Variants in NDC1 observed in about 807,000 individuals in gnomAD.
NDC1 encodes the protein nucleoporin NDC1.
A neutral mutation model predicts 89.8 loss-of-function variants in NDC1; 24 were observed. The observed-to-expected ratio is 0.27, with a 90% CI of 0.19 to 0.38. The LOEUF (loss-of-function observed/expected upper bound fraction) is 0.38. Ranked by LOEUF, NDC1 falls within the 10% of genes least tolerant of loss-of-function variation. The pLI is 1.00. For synonymous variants in NDC1, 296 were observed against 284.8 expected (o/e 1.04, Z -0.39); for missense variants, 728 against 797.6 (o/e 0.91, Z 1.05).
chr1:53,777,210 G>T (rs758047057), intron 16 of NDC1, among the ~76,000 whole-genome samples: 1 of 152,140 alleles, frequency 6.6e-6, no homozygotes, highest in East Asian at 1.9e-4. Flanking sequence ...TTTTTATAGA[G>T]ACAGGATCTC....
chr1:53,803,393 T>C (rs934364885), intron 10 of NDC1, among the ~76,000 whole-genome samples: 20 of 151,128 alleles, frequency 1.3e-4, no homozygotes, highest in Admixed American at 1.2e-3. Context: ...TAAGCTGTAT[T>C]TTTCTGCCCT....
intron 10 of NDC1, among the ~76,000 whole-genome samples, chr1:53,802,151 T>C (rs1282868686): frequency 7.9e-5 from 12 of 152,210 alleles, no homozygotes; most frequent in African/African-American, 1.7e-4. Context: ...AGAATTCCTA[T>C]GTTAACTCAA....
At chr1:53,799,732 C>T (rs2100654652) in intron 11 of NDC1, among the ~76,000 whole-genome samples, 1 of 152,312 alleles carries the variant, frequency 6.6e-6, no homozygotes, top group Non-Finnish European at 1.5e-5. Flanking sequence ...CTCACAGGTT[C>T]ACCACCATCC....
intron 3 of NDC1, 75 bp from the exon 4 acceptor site, chr1:53,828,248 C>T (rs1168794407): frequency 1.5e-6 from 2 of 1,296,352 alleles, no homozygotes; most frequent in Non-Finnish European, 2.1e-6. Flanking sequence ...TATCCCCTCT[C>T]ATCCTTGCAC....
chr1:53,800,574 C>G (rs1570193163), intron 11 of NDC1, 119 bp downstream of exon 11: 1 of 1,032,210 alleles, frequency 9.7e-7, no homozygotes, highest in Non-Finnish European at 1.5e-6. Context: ...ATCCGCCCAC[C>G]TCGGCCTCCC....
intron 5 of NDC1, among the ~76,000 whole-genome samples, chr1:53,822,987 G>A (rs1648725688): frequency 6.6e-6 from 1 of 152,016 alleles, no homozygotes; most frequent in Non-Finnish European, 1.5e-5. Flanking sequence ...CACATGGAAA[G>A]GTGAAACACT....
chr1:53,800,578 G>C, intron 11 of NDC1, 115 bp downstream of exon 11: 2 of 1,087,434 alleles, frequency 1.8e-6, no homozygotes, highest in Non-Finnish European at 2.7e-6. Context: ...GCCCACCTCG[G>C]CCTCCCAAAG....
At chr1:53,808,985 T>C (rs1648206310) in intron 7 of NDC1, among the ~76,000 whole-genome samples, 1 of 152,232 alleles carries the variant, frequency 6.6e-6, no homozygotes, top group South Asian at 2.1e-4. Flanking sequence ...GACTGACTTT[T>C]ATTCGGCAAA....
At chr1:53,798,349 T>C (rs535902089) in intron 11 of NDC1, among the ~76,000 whole-genome samples, 1 of 151,078 alleles carries the variant, frequency 6.6e-6, no homozygotes, top group East Asian at 2.0e-4. Flanking sequence ...TTTGTATTTT[T>C]AGTAGAGACA....
chr1:53,816,264 G>C (rs1260765067), intron 6 of NDC1, among the ~76,000 whole-genome samples: 2 of 152,132 alleles, frequency 1.3e-5, no homozygotes, highest in Non-Finnish European at 2.9e-5. Flanking sequence ...TAGACCAATG[G>C]AGCAGGATAG....
At chr1:53,794,768 A>C (rs570891261) in intron 13 of NDC1, among the ~76,000 whole-genome samples, 1 of 152,038 alleles carries the variant, frequency 6.6e-6, no homozygotes, top group Non-Finnish European at 1.5e-5. Context: ...CCAGCTACTC[A>C]GGAGGCTGAG....
At chr1:53,812,866 G>A (rs1050127525) in intron 6 of NDC1, among the ~76,000 whole-genome samples, 1 of 152,090 alleles carries the variant, frequency 6.6e-6, no homozygotes, top group Non-Finnish European at 1.5e-5. Flanking sequence ...AGAAGCACCA[G>A]GTAACCTATA....
Position 53,809,705 on chromosome 1 carries a change from G to A in NDC1, c.745C>T (p.His249Tyr). Residue 249 changes from histidine to tyrosine, a missense_variant, in exon 7 of 18, where the codon CAC becomes TAC. His to Tyr is a moderately conservative substitution (Grantham distance 83). Coordinates refer to ENST00000371429, the MANE Select transcript of NDC1 (RefSeq NM_018087.5). Reference sequence around the variant, plus strand: ...TTAGGTATCACTTACTCATCTATGTGAAGGTTCATAGCAGTGCTAATCCAA... The same window carrying A: ...TTAGGTATCACTTACTCATCTATGTAAAGGTTCATAGCAGTGCTAATCCAA... ...KAWISTAMNL[H>Y]IDEQVHRPLD... The A allele has an allele frequency of 6.2e-7, 1 of 1,609,468 alleles. No individual in the cohort carries two copies. Among genetic ancestry groups the A allele is most frequent in the Non-Finnish European group, 8.5e-7 (1 of 1,176,112 alleles).
intron 6 of NDC1, among the ~76,000 whole-genome samples, chr1:53,816,773 AAAAC>A (rs941403662): frequency 1.9e-4 from 29 of 152,238 alleles, no homozygotes; most frequent in African/African-American, 5.3e-4. Flanking sequence ...AGTAAGAAAA[AAAAC>A]AAACAATCCC....
Position 53,768,010 on chromosome 1 carries a change from T to C in NDC1, c.1985A>G (p.His662Arg), listed in dbSNP as rs1647080862. ...HLNAVQASAE[H>R]QKRLQQFLEF... ...CAAGAACTGTTGAAGTCTTTTCTGATGTTCTGCAGATGCTTGCACAGCACT... is the reference window on the plus strand; with the variant it reads ...CAAGAACTGTTGAAGTCTTTTCTGACGTTCTGCAGATGCTTGCACAGCACT... The change falls in exon 18 of 18, where the codon CAT becomes CGT. Residue 662 changes from histidine (H) to arginine (R), a missense_variant. His to Arg is a conservative substitution (Grantham distance 29, BLOSUM62 0). Transcript: ENST00000371429. 6.2e-7 allele frequency: 1 copy of C among 1,609,298 alleles called. No homozygotes were observed. Among genetic ancestry groups the C allele is most frequent in the African/African-American group, 1.3e-5 (1 of 74,934 alleles).
Position 53,832,513 on chromosome 1 carries a change from ATACT to A in NDC1, c.253_256del (p.Ser85PhefsTer18). On this transcript the variant is annotated frameshift_variant, in exon 3 of 18. Transcript: ENST00000371429. LOFTEE classifies it high-confidence loss of function. ...ACCTGCATAGAACTCCACATTGAAA[ATACT>A]TATTATTATTATTACCACTGACAGC... The A allele has an allele frequency of 6.3e-7, 1 of 1,587,958 alleles. No homozygotes were observed. Among genetic ancestry groups the A allele is most frequent in the Non-Finnish European group, 8.6e-7 (1 of 1,156,416 alleles).
intron 1 of NDC1, among the ~76,000 whole-genome samples, chr1:53,837,192 G>A (rs957502412): frequency 2.6e-5 from 4 of 152,154 alleles, no homozygotes; most frequent in East Asian, 1.9e-4. Flanking sequence ...ATAGTTAGGC[G>A]GCTGAGGCAG....
At chr1:53,785,560 A>G (rs972251157) in intron 16 of NDC1, among the ~76,000 whole-genome samples, 1 of 152,028 alleles carries the variant, frequency 6.6e-6, no homozygotes, top group Admixed American at 6.6e-5. Flanking sequence ...ATGGAGAAGC[A>G]TATTTCCTCT....
intron 14 of NDC1, among the ~76,000 whole-genome samples, chr1:53,792,389 C>T (rs887918001): frequency 6.6e-6 from 1 of 152,158 alleles, no homozygotes; most frequent in African/African-American, 2.4e-5. Flanking sequence ...TGGATCGTCC[C>T]TTCCACCATA....
Sources: allele counts gnomAD v4.1 joint callset (sites outside exome capture counted in the v4.1 genomes callset), GRCh38; gene constraint gnomAD v4.1.1; transcripts MANE v1.5; gene names NCBI Gene and HGNC (gene_info 2026-07-23, HGNC 2026-07-21).